The following GOLIM4 variants were observed in gnomAD, a reference collection of about 807,000 sequenced individuals.
GOLIM4 encodes golgi integral membrane protein 4, also known as 130 kDa golgi-localized phosphoprotein.
GOLIM4 carries 71 observed loss-of-function variants against 107.4 expected under a neutral mutation model. The ratio of observed to expected loss-of-function variants is 0.66; its 90% confidence interval spans 0.55 to 0.81. The LOEUF (loss-of-function observed/expected upper bound fraction) is 0.81, where lower values mean the gene tolerates loss of function less well. Ranked by LOEUF, GOLIM4 falls within the 30% of genes least tolerant of loss-of-function variation. The probability of loss-of-function intolerance (pLI) is 0.00; values close to 1 mark genes in which losing one functional copy is unlikely to be tolerated. For missense variants in GOLIM4, 830 were observed against 826.1 expected (o/e 1.00, Z -0.06); for synonymous variants, 327 against 294.8 (o/e 1.11, Z -1.12).
intron 1 of GOLIM4, among the ~76,000 whole-genome samples, chr3:168,058,399 T>C (rs1490910570): frequency 2.6e-5 from 4 of 152,228 alleles, no homozygotes; most frequent in Non-Finnish European, 5.9e-5. Flanking sequence ...CTGTTCTTTT[T>C]GGCATTCTTT....
intron 1 of GOLIM4, among the ~76,000 whole-genome samples, chr3:168,072,592 C>T (rs929816407): frequency 6.6e-6 from 1 of 151,850 alleles, no homozygotes; most frequent in Non-Finnish European, 1.5e-5. Flanking sequence ...TAAAAATGGG[C>T]CATAAATAGC....
chr3:168,043,330 A>C lies in GOLIM4; in HGVS notation c.517+49T>G, dbSNP rs370571833. On this transcript the variant is annotated intron_variant, in intron 5 of 15. Transcript: ENST00000470487. The stretch of plus-strand genomic sequence containing the variant: ...AGTCTACAGTTGCACTGAAACATTA[A>C]TATCAGTACTTATTTAGAGATAAAC... 18 of 1,287,726 alleles carry C rather than the reference A, an allele frequency of 1.4e-5. No homozygotes were observed. In the African/African-American group the frequency reaches 2.2e-4, roughly 16 times the overall value. The allele number at this position is 1,287,726 out of a possible 1,614,324, so 79.8% of individuals were successfully genotyped here.
chr3:168,073,834 T>A (rs1283576790), intron 1 of GOLIM4, among the ~76,000 whole-genome samples: 2 of 152,166 alleles, frequency 1.3e-5, no homozygotes, highest in Non-Finnish European at 2.9e-5. Flanking sequence ...TCTCCAGGGA[T>A]GGCAGGGCTA....
chr3:168,094,375 AAC>A (rs1392174442), intron 1 of GOLIM4, among the ~76,000 whole-genome samples: 1 of 152,246 alleles, frequency 6.6e-6, no homozygotes, highest in Non-Finnish European at 1.5e-5. Context: ...AGCTAACTGT[AAC>A]ATACATGCAT....
At chr3:168,063,324 TC>T (rs1267155980) in intron 1 of GOLIM4, among the ~76,000 whole-genome samples, 1 of 152,242 alleles carries the variant, frequency 6.6e-6, no homozygotes, top group African/African-American at 2.4e-5. Flanking sequence ...TCCTACACTT[TC>T]TTTTCACTTT....
At chr3:168,056,701 T>A (rs148587186) in intron 1 of GOLIM4, among the ~76,000 whole-genome samples, 1,844 of 152,296 alleles carry the variant, frequency 0.012, 32 homozygotes, top group African/African-American at 0.042. Flanking sequence ...TGGATTTTGG[T>A]CTTGCGTGGG....
At chr3:168,090,984 A>G (rs1721878000) in intron 1 of GOLIM4, among the ~76,000 whole-genome samples, 1 of 152,172 alleles carries the variant, frequency 6.6e-6, no homozygotes, top group Non-Finnish European at 1.5e-5. Flanking sequence ...ACACATGGAC[A>G]TAGAGAGTGG....
At chr3:168,012,286 T>A (rs1560065276) in intron 14 of GOLIM4, among the ~76,000 whole-genome samples, 1 of 138,062 alleles carries the variant, frequency 7.2e-6, no homozygotes, top group East Asian at 2.0e-4. Flanking sequence ...AGAAAGGGTA[T>A]CAGCGATGGA....
intron 14 of GOLIM4, among the ~76,000 whole-genome samples, chr3:168,013,639 AG>A (rs201716956): frequency 0.041 from 6,256 of 150,776 alleles, 187 homozygotes; most frequent in African/African-American, 0.086. Flanking sequence ...CATACTGGGA[AG>A]TAAAGCTCTC....
At chr3:168,079,492 T>A (rs546227252) in intron 1 of GOLIM4, among the ~76,000 whole-genome samples, 24 of 152,268 alleles carry the variant, frequency 1.6e-4, no homozygotes, top group African/African-American at 5.3e-4. Context: ...GTTATACAGT[T>A]GTGTTTGTGA....
intron 14 of GOLIM4, among the ~76,000 whole-genome samples, chr3:168,019,448 T>C (rs1466859318): frequency 1.3e-5 from 2 of 152,218 alleles, no homozygotes; most frequent in Non-Finnish European, 2.9e-5. Flanking sequence ...AATTCCATAG[T>C]AGCATCTGAT....
intron 12 of GOLIM4, among the ~76,000 whole-genome samples, chr3:168,026,243 C>T (rs1055408163): frequency 2.9e-5 from 4 of 138,956 alleles, no homozygotes; most frequent in South Asian, 2.1e-4. Context: ...ACTCTAATTA[C>T]TCCACAATCT....
intron 1 of GOLIM4, among the ~76,000 whole-genome samples, chr3:168,059,000 G>A (rs1720122804): frequency 2.6e-5 from 4 of 152,058 alleles, no homozygotes; most frequent in Admixed American, 2.0e-4. Context: ...GAGAGAAGAG[G>A]GGGTTGTTTC....
chr3:168,074,792 A>G (rs1425316727), intron 1 of GOLIM4, among the ~76,000 whole-genome samples: 2 of 152,186 alleles, frequency 1.3e-5, no homozygotes, highest in Non-Finnish European at 2.9e-5. Flanking sequence ...GATCCTAGAT[A>G]TGTATTTGGA....
At chr3:168,089,485 T>C (rs376708938) in intron 1 of GOLIM4, among the ~76,000 whole-genome samples, 1 of 152,328 alleles carries the variant, frequency 6.6e-6, no homozygotes, top group Non-Finnish European at 1.5e-5. Flanking sequence ...AGATAACCTT[T>C]TGTAAGCACT....
At chr3:168,020,459 A>G (rs1041819180) in intron 14 of GOLIM4, among the ~76,000 whole-genome samples, 1 of 152,184 alleles carries the variant, frequency 6.6e-6, no homozygotes, top group Non-Finnish European at 1.5e-5. Context: ...TCCATAACAG[A>G]TAAGATCAAA....
chr3:168,085,589 C>T (rs142110053), intron 1 of GOLIM4, among the ~76,000 whole-genome samples: 3 of 152,228 alleles, frequency 2.0e-5, no homozygotes, highest in East Asian at 1.9e-4. Flanking sequence ...AAAAAGGCCA[C>T]GGGTCCTTAA....
At chr3:168,026,856 G>A (rs1270847518) in intron 12 of GOLIM4, among the ~76,000 whole-genome samples, 3 of 152,218 alleles carry the variant, frequency 2.0e-5, no homozygotes, top group Non-Finnish European at 4.4e-5. Context: ...CAGCAAAAGG[G>A]CTTTAAGTAG....
chr3:168,060,102 T>TG (rs1720181545), intron 1 of GOLIM4, among the ~76,000 whole-genome samples: 2 of 149,280 alleles, frequency 1.3e-5, no homozygotes, highest in African/African-American at 2.5e-5. Context: ...ATTAGAGAGT[T>TG]TTTTTTTTTT....
Sources: allele counts gnomAD v4.1 joint callset (sites outside exome capture counted in the v4.1 genomes callset), GRCh38; gene constraint gnomAD v4.1.1; transcripts MANE v1.5; gene names NCBI Gene and HGNC (gene_info 2026-07-23, HGNC 2026-07-21).